CDKL4: variants seen among roughly 807,000 people sequenced by gnomAD.
The protein encoded by CDKL4 is cyclin dependent kinase like 4, also known as cyclin-dependent kinase-like 4.
A neutral mutation model predicts 42.0 loss-of-function variants in CDKL4; 44 were observed. That is an observed-to-expected ratio of 1.05 (90% CI 0.82 to 1.35). CDKL4 has a LOEUF of 1.35. Among genes scored for constraint, CDKL4 ranks in the 40% most tolerant of loss-of-function variants. CDKL4 has a pLI of 0.00. For missense variants in CDKL4, 393 were observed against 369.9 expected, an observed-to-expected ratio of 1.06 and a Z score of -0.51; for synonymous variants, 120 against 121.6, an observed-to-expected ratio of 0.99 and a Z score of 0.09.
intron 1 of CDKL4, among the ~76,000 whole-genome samples, chr2:39,238,019 T>C (rs935371064): frequency 3.9e-5 from 6 of 152,214 alleles, no homozygotes; most frequent in East Asian, 3.8e-4. Flanking sequence ...AAGACCTGCA[T>C]ACTGAAAATT....
chr2:39,219,431 A>ATTTATTTT (rs1553390845), intron 3 of CDKL4, among the ~76,000 whole-genome samples: 12 of 149,422 alleles, frequency 8.0e-5, no homozygotes, highest in Admixed American at 3.3e-4. Flanking sequence ...TTATTTATTT[A>ATTTATTTT]TTTTTTTGAG....
chr2:39,204,499 G>T (rs772091464), intron 5 of CDKL4, 28 bp downstream of exon 5: 8 of 1,215,654 alleles, frequency 6.6e-6, no homozygotes, highest in Admixed American at 5.1e-5. Flanking sequence ...ATCTGAACTG[G>T]GTATTAGTAA....
At chr2:39,174,281 T>C (rs1044515278), downstream of CDKL4, among the ~76,000 whole-genome samples, 1 of 151,980 alleles carries the variant, frequency 6.6e-6, no homozygotes, top group South Asian at 2.1e-4. Context: ...TGGCACCCGC[T>C]GTAGTCCCAG....
At chr2:39,190,800 T>C (rs17023409) in intron 5 of CDKL4, among the ~76,000 whole-genome samples, 2,848 of 152,264 alleles carry the variant, frequency 0.019, 97 homozygotes, top group African/African-American at 0.063. Flanking sequence ...TAAACCGCAT[T>C]GTTGGTTTCC....
chr2:39,174,356 C>T (rs951533057), downstream of CDKL4, among the ~76,000 whole-genome samples: 1 of 150,216 alleles, frequency 6.7e-6, no homozygotes, highest in Admixed American at 6.6e-5. Flanking sequence ...GCTGTGATTG[C>T]ACCACTGCAC....
At chr2:39,212,475 C>T (rs929612776) in intron 4 of CDKL4, among the ~76,000 whole-genome samples, 15 of 151,990 alleles carry the variant, frequency 9.9e-5, no homozygotes, top group East Asian at 1.9e-4. Context: ...CTTCGTGATC[C>T]GCCTGCCTCG....
exon 7 of CDKL4, chr2:39,187,636 T>C: frequency 6.2e-7 from 1 of 1,608,636 alleles, no homozygotes; most frequent in Non-Finnish European, 8.5e-7. Flanking sequence ...CCATGTCTTC[T>C]GGCTCAGGTA....
chr2:39,239,628 T>C (rs1247907686), intron 1 of CDKL4, among the ~76,000 whole-genome samples: 2 of 152,198 alleles, frequency 1.3e-5, no homozygotes, highest in Non-Finnish European at 2.9e-5. Flanking sequence ...TAGGGAAGTG[T>C]TAATTAAAAT....
chr2:39,184,813 T>A (rs1431655949), intron 7 of CDKL4, among the ~76,000 whole-genome samples, 166 bp from the exon 8 acceptor site: 1 of 151,862 alleles, frequency 6.6e-6, no homozygotes. Flanking sequence ...TAGCTTACTT[T>A]AACCTTGAAC....
chr2:39,213,567 TC>T (rs1677716455), intron 3 of CDKL4, 95 bp from the exon 4 acceptor site: 2 of 707,288 alleles, frequency 2.8e-6, no homozygotes, highest in African/African-American at 1.8e-5. Context: ...GGGACTGTCC[TC>T]TTCAAGGAAC....
At chr2:39,245,457 G>A (rs1367989550), upstream of CDKL4, among the ~76,000 whole-genome samples, 1 of 152,158 alleles carries the variant, frequency 6.6e-6, no homozygotes, top group Non-Finnish European at 1.5e-5. Context: ...AACACTCACC[G>A]CGAGGGTCCG....
chr2:39,215,768 G>C lies in CDKL4; in HGVS notation c.291-2296C>G, dbSNP rs192287561. On this transcript the variant is annotated intron_variant, in intron 3 of 9. Transcript: ENST00000451199. Reference sequence around the variant, plus strand: ...AGTGATGTACACGGTATTTTCCTCAGAGCAGTTTCCTGATCTTGTACCACA... The same window carrying C: ...AGTGATGTACACGGTATTTTCCTCACAGCAGTTTCCTGATCTTGTACCACA... Among the ~76,000 whole-genome samples the C allele has an allele frequency of 1.3e-3, 202 of 152,314 alleles. 1 individual carries two copies. The highest frequency in any genetic ancestry group is 4.6e-3 in the African/African-American group (192 of 41,568).
the CDKL4 span, among the ~76,000 whole-genome samples, chr2:39,169,840 C>T: frequency 6.6e-6 from 1 of 152,002 alleles, no homozygotes; most frequent in Non-Finnish European, 1.5e-5. Context: ...ACTCTGTCAC[C>T]CAGGCTGGAG....
rs556826498 is a variant in CDKL4, at chr2:39,221,162, C to T, written c.290+4677G>A. ...CTAAGTAGCTGGGACTACAGGTGCC[C>T]GCCACCACGCCTGGCTAATTTTTTT... is the stretch of plus-strand genomic sequence containing the variant. On this transcript the variant is annotated intron_variant, in intron 3 of 9. Transcript: ENST00000451199. Among the ~76,000 whole-genome samples, 46 of 148,854 alleles carry T rather than the reference C, an allele frequency of 3.1e-4. No homozygotes were observed. The South Asian group carries it at 5.4e-3, about 18-fold the overall frequency.
chr2:39,208,964 G>A (rs904358735), intron 4 of CDKL4, among the ~76,000 whole-genome samples: 3 of 151,766 alleles, frequency 2.0e-5, no homozygotes, highest in Non-Finnish European at 2.9e-5. Flanking sequence ...GTATCAACAA[G>A]ATGCTGACGG....
intron 7 of CDKL4, among the ~76,000 whole-genome samples, chr2:39,185,855 C>T (rs1675802272): frequency 6.6e-6 from 1 of 152,280 alleles, no homozygotes; most frequent in South Asian, 2.1e-4. Context: ...CTTAATTTCA[C>T]AATGTCTTGC....
At chr2:39,224,762 C>T (rs112828100) in intron 3 of CDKL4, among the ~76,000 whole-genome samples, 4 of 152,178 alleles carry the variant, frequency 2.6e-5, no homozygotes, top group Non-Finnish European at 5.9e-5. Context: ...CCTCAGCCTC[C>T]CAAAGGCATG....
chr2:39,205,774 A>AG (rs1370911263), intron 4 of CDKL4, among the ~76,000 whole-genome samples: 1 of 150,556 alleles, frequency 6.6e-6, no homozygotes, highest in Non-Finnish European at 1.5e-5. Flanking sequence ...AAAAAAAAAA[A>AG]AAAAAAGAAA....
chr2:39,179,098 G>A (rs990899001), intron 9 of CDKL4, 89 bp downstream of exon 9: 1 of 1,540,222 alleles, frequency 6.5e-7, no homozygotes, highest in East Asian at 2.2e-5. Flanking sequence ...AAAGGTCTTG[G>A]TGTCCACCTT....
Sources: gnomAD v4.1 joint callset for allele counts (sites outside exome capture counted in the v4.1 genomes callset) on GRCh38, gnomAD v4.1.1 for gene constraint, MANE v1.5 for transcripts, NCBI Gene and HGNC (gene_info 2026-07-23, HGNC 2026-07-21) for gene names.